RBM46: variants seen among roughly 807,000 people sequenced by gnomAD.
RBM46 encodes the protein probable RNA-binding protein 46.
A neutral mutation model predicts 43.3 loss-of-function variants in RBM46; 12 were observed. The ratio of observed to expected loss-of-function variants is 0.28; its 90% CI spans 0.18 to 0.45. The LOEUF is 0.45. RBM46 is among the 20% of genes least tolerant of loss of function. The pLI is 1.00. For synonymous variants in RBM46, 205 were observed against 207.6 expected, an observed-to-expected ratio of 0.99 and a Z score of 0.11; for missense variants, 412 against 639.1, an observed-to-expected ratio of 0.64 and a Z score of 3.83.
chr4:154,827,970 C>T lies in RBM46; in HGVS notation c.1505C>T (p.Ser502Phe), dbSNP rs1364018262. ...CTTCCTTATACTTCAAGGCCTTATT[C>T]TTATCCAGGCTATCCTTTGTCACCA... ...SVLPYTSRPYSYPGYPLSPTI... is the reference protein window; with the variant it reads ...SVLPYTSRPYFYPGYPLSPTI... The change falls in exon 5 of 5, where the codon TCT (serine) becomes TTT (phenylalanine). Residue 502 changes from serine to phenylalanine, a missense_variant. Around this residue, in one of 8 missense-constraint regions of RBM46, gnomAD observed 149 missense variants for 156.3 expected, o/e 0.95. Coordinates refer to ENST00000281722, the MANE Select transcript of RBM46 (RefSeq NM_144979.5). 6.2e-7 allele frequency: 1 copy of T among 1,613,920 alleles called. No homozygotes were observed. The highest frequency in any genetic ancestry group is 1.1e-5 in the South Asian group (1 of 91,082).
intron 4 of RBM46, among the ~76,000 whole-genome samples, chr4:154,806,456 T>C (rs1468303278): frequency 1.3e-5 from 2 of 151,846 alleles, no homozygotes; most frequent in East Asian, 1.9e-4. Context: ...TATGGTTTCA[T>C]TTAAAATATG....
At chr4:154,820,515 A>G in intron 4 of RBM46, 1 of 654,408 alleles carries the variant, frequency 1.5e-6, no homozygotes, top group South Asian at 2.7e-5. Flanking sequence ...TATAATGAAA[A>G]GAATGAAACT....
chr4:154,818,661 A>G (rs1735580262), intron 4 of RBM46, among the ~76,000 whole-genome samples: 1 of 150,746 alleles, frequency 6.6e-6, no homozygotes, highest in African/African-American at 2.4e-5. Context: ...GTGTTTTCAA[A>G]TACTGCATTT....
At chr4:154,804,336 C>T (rs1056037866) in intron 4 of RBM46, among the ~76,000 whole-genome samples, 5 of 152,164 alleles carry the variant, frequency 3.3e-5, no homozygotes, top group South Asian at 2.1e-4. Context: ...TAAGTCTTTT[C>T]TATCTTCACA....
Position 154,798,184 on chromosome 4 carries a change from A to T in RBM46, c.525A>T (p.Pro175=), listed in dbSNP as rs1734441625. 1.9e-6 allele frequency: 3 copies of T among 1,613,892 alleles called. No homozygotes were observed. The highest frequency in any genetic ancestry group is 2.5e-6 in the Non-Finnish European group (3 of 1,179,936). Reference sequence around the variant, plus strand: ...GAGTTGTAGATGTCATTGTTTATCCAAGTGCAACTGATAAGACCAAAAATC... The same window carrying T: ...GAGTTGTAGATGTCATTGTTTATCCTAGTGCAACTGATAAGACCAAAAATC... The part of the protein sequence containing the change: ...TEGVVDVIVY[P]SATDKTKNRG... The change falls in exon 3 of 5, where the codon CCA becomes CCT. Residue 175 remains proline, a synonymous_variant. Transcript: ENST00000281722.
chr4:154,823,313 G>A (rs566898238), intron 4 of RBM46, among the ~76,000 whole-genome samples: 83 of 152,010 alleles, frequency 5.5e-4, no homozygotes, highest in African/African-American at 1.9e-3. Flanking sequence ...TGATGAAAAT[G>A]TTCTAGAATT....
At chr4:154,807,578 G>A (rs1013721809) in intron 4 of RBM46, among the ~76,000 whole-genome samples, 5 of 151,734 alleles carry the variant, frequency 3.3e-5, no homozygotes, top group Non-Finnish European at 7.4e-5. Flanking sequence ...TTTCTTCCAG[G>A]CCTTTTAGGT....
intron 1 of RBM46, among the ~76,000 whole-genome samples, chr4:154,790,882 C>T (rs557627913): frequency 3.9e-5 from 6 of 152,230 alleles, no homozygotes; most frequent in African/African-American, 1.2e-4. Flanking sequence ...ATTCTAAATT[C>T]GGATACTTGA....
At chr4:154,796,067 C>G (rs958932753) in intron 1 of RBM46, among the ~76,000 whole-genome samples, 1 of 152,108 alleles carries the variant, frequency 6.6e-6, no homozygotes, top group African/African-American at 2.4e-5. Context: ...ACTTGGGGGA[C>G]TGAGGTGGGA....
intron 4 of RBM46, among the ~76,000 whole-genome samples, chr4:154,808,128 T>G (rs1283258977): frequency 6.6e-6 from 1 of 151,970 alleles, no homozygotes; most frequent in Non-Finnish European, 1.5e-5. Flanking sequence ...TCTTAAACAG[T>G]TGTATTGCCT....
intron 4 of RBM46, among the ~76,000 whole-genome samples, chr4:154,810,077 G>A (rs1735103415): frequency 1.3e-5 from 2 of 151,948 alleles, no homozygotes; most frequent in African/African-American, 4.8e-5. Context: ...AAACCTGGGT[G>A]GTGAGTACAT....
intron 4 of RBM46, among the ~76,000 whole-genome samples, chr4:154,808,508 G>A (rs1039013376): frequency 6.6e-6 from 1 of 151,914 alleles, no homozygotes; most frequent in East Asian, 1.9e-4. Context: ...TTACTGGCCA[G>A]ATTATGGGGT....
intron 4 of RBM46, among the ~76,000 whole-genome samples, chr4:154,818,826 T>A (rs1369004614): frequency 7.2e-5 from 11 of 152,178 alleles, no homozygotes; most frequent in Admixed American, 7.2e-4. Flanking sequence ...GTAATTTTTT[T>A]ATCTGTAAAA....
intron 4 of RBM46, among the ~76,000 whole-genome samples, chr4:154,824,248 G>A (rs532221119): frequency 4.6e-5 from 7 of 152,084 alleles, no homozygotes; most frequent in East Asian, 3.9e-4. Context: ...GGAGCAACTC[G>A]AAGTCTCATA....
At chr4:154,803,436 C>T (rs996125263) in intron 4 of RBM46, among the ~76,000 whole-genome samples, 1 of 152,040 alleles carries the variant, frequency 6.6e-6, no homozygotes, top group Non-Finnish European at 1.5e-5. Context: ...CGCGGTGGCT[C>T]ACGCCTGTAA....
At chr4:154,813,712 A>C (rs1299818903) in intron 4 of RBM46, among the ~76,000 whole-genome samples, 1 of 152,034 alleles carries the variant, frequency 6.6e-6, no homozygotes, top group Non-Finnish European at 1.5e-5. Flanking sequence ...TCTTCTACAC[A>C]GGTGTAGACT....
chr4:154,808,255 TA>T (rs1251655905), intron 4 of RBM46, among the ~76,000 whole-genome samples: 2 of 152,032 alleles, frequency 1.3e-5, no homozygotes, highest in Admixed American at 6.6e-5. Flanking sequence ...AACCATGATA[TA>T]AAACTCCACC....
chr4:154,797,229 T>C (rs1734399936), intron 2 of RBM46, among the ~76,000 whole-genome samples: 1 of 152,090 alleles, frequency 6.6e-6, no homozygotes, highest in Non-Finnish European at 1.5e-5. Flanking sequence ...GAAACAGCAG[T>C]GAGTAAGTGA....
intron 1 of RBM46, among the ~76,000 whole-genome samples, chr4:154,792,372 T>C (rs918312129): frequency 1.3e-5 from 2 of 152,186 alleles, no homozygotes; most frequent in African/African-American, 2.4e-5. Context: ...AGGTCAGAGT[T>C]GTAAAGTGCT....
Sources: allele counts gnomAD v4.1 joint callset (sites outside exome capture counted in the v4.1 genomes callset), GRCh38; gene constraint gnomAD v4.1.1; regional missense constraint gnomAD v4.1.1; transcripts MANE v1.5; gene names NCBI Gene and HGNC (gene_info 2026-07-23, HGNC 2026-07-21).